PPEF1: variants seen among roughly 807,000 people sequenced by gnomAD.
The protein encoded by PPEF1 is serine/threonine-protein phosphatase with EF-hands 1.
PPEF1 carries 12 observed loss-of-function variants against 53.3 expected under a neutral mutation model. The observed-to-expected ratio is 0.23, with a 90% CI of 0.14 to 0.36. PPEF1 has a LOEUF of 0.36. Ranked by LOEUF, PPEF1 falls within the 10% of genes least tolerant of loss-of-function variation. The pLI is 1.00. For synonymous variants in PPEF1, 165 were observed against 176.7 expected, an observed-to-expected ratio of 0.93 and a Z score of 0.52; for missense variants, 334 against 490.4, an observed-to-expected ratio of 0.68 and a Z score of 3.01.
chrX:18,764,133 C>A (rs1490618295), intron 6 of PPEF1, among the ~76,000 whole-genome samples: 1 of 111,014 alleles, frequency 9.0e-6, no homozygotes, highest in Non-Finnish European at 1.9e-5. Context: ...GTGGGAAGTG[C>A]AGGGGGAGCA....
In PPEF1 at chrX:18,806,009, G is replaced by GA. The variant is rs1393581678; in HGVS notation, c.1252-387dup. Among the ~76,000 whole-genome samples the GA allele has an allele frequency of 3.4e-4, 37 of 109,657 alleles. 1 individual carries two copies. The highest frequency in any genetic ancestry group is 3.8e-5 in the Non-Finnish European group (2 of 52,797). On this transcript the variant is annotated intron_variant, in intron 11 of 15. Transcript: ENST00000470157. ...CTAAATCACTCAGCTCCAAGCAGAA[G>GA]AAAAAAACCGAAGTACCAGACAAAT...
chrX:18,763,315 A>G (rs2045705313), intron 6 of PPEF1, among the ~76,000 whole-genome samples: 1 of 111,038 alleles, frequency 9.0e-6, no homozygotes, highest in Non-Finnish European at 1.9e-5. Flanking sequence ...TCCCCAGTAA[A>G]ACTTGTTTAA....
In PPEF1 at chrX:18,827,864, GGA is replaced by G. The variant is rs1159891464; in HGVS notation, c.*380_*381del. 2 of 129,570 alleles carry G rather than the reference GGA, an allele frequency of 1.5e-5. No homozygotes were observed. Among genetic ancestry groups the G allele is most frequent in the Non-Finnish European group, 3.1e-5 (2 of 65,004 alleles). The allele number at this position is 129,570 out of a possible 1,213,427, so 10.7% of individuals were successfully genotyped here. On this transcript the variant is annotated 3_prime_UTR_variant, in exon 16 of 16. Transcript: ENST00000470157. Reference sequence around the variant, plus strand: ...AGCTTGACATCTGTGAGTGACTGAGGGAGACAGGAGGAATACCAGGTTATTCA... The same window carrying G: ...AGCTTGACATCTGTGAGTGACTGAGGGACAGGAGGAATACCAGGTTATTCA...
chrX:18,685,833 C>T (rs758673895), intron 2 of PPEF1, among the ~76,000 whole-genome samples: 1 of 111,597 alleles, frequency 9.0e-6, no homozygotes, highest in South Asian at 3.7e-4. Flanking sequence ...CTTCTAAAGC[C>T]TGGATACAAA....
chrX:18,818,370 CTTT>C (rs11297772), intron 13 of PPEF1, among the ~76,000 whole-genome samples: 7 of 81,669 alleles, frequency 8.6e-5, no homozygotes, highest in Admixed American at 2.8e-4. Context: ...CTGAATTAAA[CTTT>C]TTTTTTTTTT....
At chrX:18,709,461 A>G (rs2044271942) in intron 1 of PPEF1, among the ~76,000 whole-genome samples, 1 of 109,494 alleles carries the variant, frequency 9.1e-6, no homozygotes, top group Non-Finnish European at 1.9e-5. Flanking sequence ...TTATCCATTC[A>G]TCAATTGATA....
At chrX:18,816,958 C>A (rs1212843413) in intron 12 of PPEF1, among the ~76,000 whole-genome samples, 1 of 110,862 alleles carries the variant, frequency 9.0e-6, no homozygotes, top group Non-Finnish European at 1.9e-5. Context: ...ATAGTTAGAT[C>A]TTGTTTTGTT....
At chrX:18,692,439 G>A (rs891575842) in intron 4 of PPEF1, among the ~76,000 whole-genome samples, 3 of 111,951 alleles carry the variant, frequency 2.7e-5, no homozygotes, top group Non-Finnish European at 5.6e-5. Flanking sequence ...AGTAAATATT[G>A]TCAAGTGAAT....
chrX:18,711,330 AG>A (rs1290272366), intron 1 of PPEF1, among the ~76,000 whole-genome samples: 2 of 29,514 alleles, frequency 6.8e-5, no homozygotes, highest in Non-Finnish European at 1.2e-4. Flanking sequence ...GGAGGGTGGG[AG>A]GGGGGTGAGG....
intron 3 of PPEF1, 127 bp from the exon 4 acceptor site, chrX:18,749,665 A>G (rs2045399169): frequency 6.3e-6 from 3 of 476,405 alleles, no homozygotes; most frequent in Admixed American, 3.7e-5. Context: ...CTGTGTTGAT[A>G]TGCAGAACAT....
chrX:18,717,916 C>A (rs967570670), intron 1 of PPEF1, among the ~76,000 whole-genome samples: 4 of 111,561 alleles, frequency 3.6e-5, no homozygotes, highest in African/African-American at 1.3e-4. Context: ...TGCTCTAATC[C>A]CTGTTTTATT....
intron 1 of PPEF1, among the ~76,000 whole-genome samples, chrX:18,722,821 G>A (rs771310750): frequency 4.5e-5 from 5 of 110,539 alleles, no homozygotes; most frequent in Admixed American, 1.9e-4. Flanking sequence ...GCGATGAGGG[G>A]AGAGGAGACC....
upstream of PPEF1, among the ~76,000 whole-genome samples, chrX:18,680,204 TTGCTGC>T (rs757808484): frequency 6.4e-5 from 7 of 109,936 alleles, no homozygotes; most frequent in African/African-American, 1.3e-4. Flanking sequence ...CTCGGGGCCT[TTGCTGC>T]TGCTGCTGCT....
intron 11 of PPEF1, among the ~76,000 whole-genome samples, chrX:18,805,640 C>T (rs1205816592): frequency 9.1e-6 from 1 of 109,387 alleles, no homozygotes; most frequent in Non-Finnish European, 1.9e-5. Flanking sequence ...GTCAAGAGAT[C>T]GAGACCATCC....
rs189761379 is a variant in PPEF1, at chrX:18,767,500, G to A, written c.558+5924G>A. 8.8e-4 allele frequency among the ~76,000 whole-genome samples: 99 copies of A among 112,130 alleles called. 1 individual carries two copies. The highest frequency in any genetic ancestry group is 7.2e-3 in the Admixed American group (76 of 10,605). On this transcript the variant is annotated intron_variant, in intron 6 of 15. Coordinates refer to ENST00000470157, the MANE Select transcript of PPEF1 (RefSeq NM_001377996.1). The stretch of plus-strand genomic sequence containing the variant: ...GCAGAGGTTGCAGTGAGCCGAGATC[G>A]TGCCACTGCACTCCAGCCTGGGCAA...
At chrX:18,718,397 C>A (rs2044507037) in intron 1 of PPEF1, among the ~76,000 whole-genome samples, 1 of 109,290 alleles carries the variant, frequency 9.1e-6, no homozygotes. Flanking sequence ...ATAGCAATAC[C>A]TCGTCTCTAC....
chrX:18,704,291 G>A (rs892867321), upstream of PPEF1, among the ~76,000 whole-genome samples: 1 of 111,728 alleles, frequency 9.0e-6, no homozygotes, highest in Non-Finnish European at 1.9e-5. Context: ...AAGCCCAAGC[G>A]AGATTTGGAT....
At chrX:18,736,298 G>A (rs757363234) in intron 3 of PPEF1, among the ~76,000 whole-genome samples, 2 of 111,529 alleles carry the variant, frequency 1.8e-5, no homozygotes, top group Non-Finnish European at 3.8e-5. Context: ...TTTGAGATAC[G>A]TCCCATCAAT....
intron 5 of PPEF1, among the ~76,000 whole-genome samples, chrX:18,759,557 CCTT>C (rs1263946709): frequency 1.8e-5 from 2 of 111,525 alleles, no homozygotes; most frequent in East Asian, 2.8e-4. Flanking sequence ...ATCTTTCTGT[CCTT>C]CTTCCCATGG....
Sources: allele counts gnomAD v4.1 joint callset (sites outside exome capture counted in the v4.1 genomes callset), GRCh38; gene constraint gnomAD v4.1.1; transcripts MANE v1.5; gene names NCBI Gene and HGNC (gene_info 2026-07-23, HGNC 2026-07-21).